SCHIP1: variants seen among roughly 807,000 people sequenced by gnomAD.
The protein encoded by SCHIP1 is schwannomin interacting protein 1.
Under a neutral mutation model 29.7 loss-of-function variants are expected in SCHIP1, and 8 were observed. The observed-to-expected ratio is 0.27, with a 90% CI of 0.16 to 0.49. SCHIP1 has a LOEUF of 0.49. SCHIP1 is among the 20% of genes least tolerant of loss of function. SCHIP1 has a pLI of 0.99. For missense variants in SCHIP1, 193 were observed against 294.6 expected (o/e 0.66, Z 2.52); for synonymous variants, 76 against 94.9 (o/e 0.80, Z 1.16).
chr3:159,579,458 T>C, the SCHIP1 span, among the ~76,000 whole-genome samples: 2 of 152,222 alleles, frequency 1.3e-5, no homozygotes, highest in African/African-American at 2.4e-5. Context: ...AAAAATATTT[T>C]GGGGTACTCC....
the SCHIP1 span, among the ~76,000 whole-genome samples, chr3:159,724,681 G>A: frequency 6.6e-6 from 1 of 152,182 alleles, no homozygotes; most frequent in East Asian, 1.9e-4. Flanking sequence ...AAATATCGGG[G>A]AGGATGTCAA....
At chr3:159,282,716 T>G in the SCHIP1 span, 1 of 146,776 alleles carries the variant, frequency 6.8e-6, no homozygotes, top group Non-Finnish European at 1.5e-5. Flanking sequence ...AACAAAGGAC[T>G]CAGTAAATGG....
the SCHIP1 span, among the ~76,000 whole-genome samples, chr3:159,706,936 T>G: frequency 6.6e-6 from 1 of 152,236 alleles, no homozygotes; most frequent in Non-Finnish European, 1.5e-5. Flanking sequence ...ACTCGTTATG[T>G]GTCAGACACT....
chr3:159,667,638 A>G, the SCHIP1 span, among the ~76,000 whole-genome samples: 2 of 152,026 alleles, frequency 1.3e-5, no homozygotes, highest in Admixed American at 1.3e-4. Context: ...GAGTGTTTGG[A>G]ACACTGAGTC....
At chr3:159,809,143 AC>A in the SCHIP1 span, among the ~76,000 whole-genome samples, 1 of 105,534 alleles carries the variant, frequency 9.5e-6, no homozygotes, top group South Asian at 4.0e-4. Flanking sequence ...CCAGCCCCCA[AC>A]CCCCCGCAAC....
At chr3:159,330,071 T>A in the SCHIP1 span, among the ~76,000 whole-genome samples, 1 of 152,208 alleles carries the variant, frequency 6.6e-6, no homozygotes, top group South Asian at 2.1e-4. Context: ...AGAAGGACAC[T>A]AGGAGGTGAA....
At chr3:159,505,572 A>T in the SCHIP1 span, among the ~76,000 whole-genome samples, 2 of 152,202 alleles carry the variant, frequency 1.3e-5, no homozygotes, top group Non-Finnish European at 2.9e-5. Flanking sequence ...TGCTGCACCC[A>T]TTAACTCATC....
intron 2 of SCHIP1, among the ~76,000 whole-genome samples, chr3:159,877,586 T>C (rs180810347): frequency 1.3e-5 from 2 of 152,236 alleles, no homozygotes; most frequent in Admixed American, 6.5e-5. Context: ...GCTTTAATGG[T>C]CAAAAGAATA....
rs1714023814 is a variant in SCHIP1, at chr3:159,861,192, T to C, written c.31-4971T>C. 6.6e-6 allele frequency among the ~76,000 whole-genome samples: 1 copy of C among 152,238 alleles called. No individual in the cohort carries two copies. The highest frequency in any genetic ancestry group is 1.9e-4 in the East Asian group (1 of 5,180). Reference sequence around the variant, plus strand: ...TCTTGCTTCAGAGACACCACAATGCTGCTAGTAAGGTGGGCTGGGCCAGAG... The same window carrying C: ...TCTTGCTTCAGAGACACCACAATGCCGCTAGTAAGGTGGGCTGGGCCAGAG... On this transcript the variant is annotated intron_variant, in intron 1 of 6. Coordinates refer to ENST00000445224, the Ensembl canonical transcript of SCHIP1. The surrounding 1 kb of genome is among the most constrained non-coding windows in gnomAD (Gnocchi z 4.1).
chr3:159,724,098 T>C, the SCHIP1 span, among the ~76,000 whole-genome samples: 1 of 152,208 alleles, frequency 6.6e-6, no homozygotes, highest in Admixed American at 6.5e-5. Flanking sequence ...GGTATTTCAT[T>C]GTCTTAAGTT....
At chr3:159,361,036 C>G in the SCHIP1 span, among the ~76,000 whole-genome samples, 919 of 152,308 alleles carry the variant, frequency 6.0e-3, 6 homozygotes, top group Middle Eastern at 0.041. Context: ...ATTCTTGACA[C>G]TTGGGATAAA....
the SCHIP1 span, among the ~76,000 whole-genome samples, chr3:159,407,020 C>T: frequency 5.3e-5 from 8 of 151,974 alleles, no homozygotes; most frequent in East Asian, 1.9e-4. Context: ...GCAAAATGAC[C>T]GGAGGAGGTC....
At chr3:159,636,045 A>G in the SCHIP1 span, among the ~76,000 whole-genome samples, 2 of 152,120 alleles carry the variant, frequency 1.3e-5, no homozygotes, top group African/African-American at 4.8e-5. Flanking sequence ...GCAATATTTT[A>G]TTATTTTATT....
chr3:159,369,925 A>G, the SCHIP1 span, among the ~76,000 whole-genome samples: 2 of 152,146 alleles, frequency 1.3e-5, no homozygotes, highest in African/African-American at 4.8e-5. Flanking sequence ...CCATATTCAC[A>G]TTTCTGAGAA....
the SCHIP1 span, among the ~76,000 whole-genome samples, chr3:159,588,472 A>C: frequency 6.6e-6 from 1 of 152,178 alleles, no homozygotes; most frequent in Non-Finnish European, 1.5e-5. Context: ...TAGTTTAATT[A>C]GATCCCATTT....
the SCHIP1 span, among the ~76,000 whole-genome samples, chr3:159,707,629 G>A: frequency 1.3e-5 from 2 of 152,128 alleles, no homozygotes; most frequent in Non-Finnish European, 2.9e-5. Context: ...TTAATAGTAG[G>A]TAGTGTGAAC....
At chr3:159,715,725 A>T in the SCHIP1 span, among the ~76,000 whole-genome samples, 1 of 152,334 alleles carries the variant, frequency 6.6e-6, no homozygotes, top group East Asian at 1.9e-4. Context: ...GAAATGAACT[A>T]AGCCTCCAAG....
chr3:159,652,026 G>A, the SCHIP1 span, among the ~76,000 whole-genome samples: 1 of 151,932 alleles, frequency 6.6e-6, no homozygotes, highest in African/African-American at 2.4e-5. Context: ...AACCCAGGAG[G>A]TGGAGGTTGC....
At chr3:159,764,436 C>T in the SCHIP1 span, 5 of 1,579,720 alleles carry the variant, frequency 3.2e-6, no homozygotes, top group South Asian at 4.7e-5. This position sits in a 1 kb window ranked among gnomAD's most constrained non-coding sequence, Gnocchi z 6.1. Context: ...CTACCTCCTC[C>T]CCCTAGGATT....
Sources: allele counts gnomAD v4.1 joint callset (sites outside exome capture counted in the v4.1 genomes callset), GRCh38; gene constraint gnomAD v4.1.1; non-coding constraint Gnocchi (gnomAD v3.1); transcripts MANE v1.5; gene names NCBI Gene and HGNC (gene_info 2026-07-23, HGNC 2026-07-21).